The following PBX3 variants were observed in gnomAD, a reference collection of about 807,000 sequenced individuals.
PBX3 encodes PBX homeobox 3.
Under a neutral mutation model 48.5 loss-of-function variants are expected in PBX3, and 14 were observed. The ratio of observed to expected loss-of-function variants is 0.29; its 90% CI spans 0.19 to 0.45. PBX3 has a LOEUF of 0.45. Ranked by LOEUF, PBX3 falls within the 20% of genes least tolerant of loss-of-function variation. PBX3 has a pLI of 1.00. For synonymous variants in PBX3, 210 were observed against 200.3 expected (o/e 1.05, Z -0.41); for missense variants, 386 against 546.7 (o/e 0.71, Z 2.93).
chr9:125,920,685 G>A (rs1018057082), intron 3 of PBX3, among the ~76,000 whole-genome samples: 5 of 152,238 alleles, frequency 3.3e-5, no homozygotes, highest in Non-Finnish European at 7.3e-5. Context: ...GAAGGCAAAA[G>A]TGTTGTAAGG....
At chr9:125,827,208 T>A (rs1042014258) in intron 2 of PBX3, among the ~76,000 whole-genome samples, 7 of 152,208 alleles carry the variant, frequency 4.6e-5, no homozygotes, top group Non-Finnish European at 7.4e-5. Context: ...GTGGTAATTC[T>A]GAAGTAAAGA....
rs189856821 is a variant in PBX3 at position 125,959,524 on chromosome 9, G to A, written c.844-1160G>A. ...TCCAGAAGGATGAGTGCCATAGGTT[G>A]AAGAATGGGAATTCTATTTCCAAAC... On this transcript the variant is annotated intron_variant, in intron 5 of 8. Coordinates refer to ENST00000373489, the MANE Select transcript of PBX3 (RefSeq NM_006195.6). Among the ~76,000 whole-genome samples, 19 of 152,346 alleles carry A rather than the reference G, an allele frequency of 1.2e-4. 1 individual carries two copies. The highest frequency in any genetic ancestry group is 7.3e-5 in the Non-Finnish European group (5 of 68,032).
At chr9:125,788,909 C>T (rs1165771862) in intron 2 of PBX3, among the ~76,000 whole-genome samples, 2 of 151,848 alleles carry the variant, frequency 1.3e-5, no homozygotes, top group East Asian at 3.8e-4. Flanking sequence ...GTGTAGCCTT[C>T]CCTAATCCCA....
intron 3 of PBX3, among the ~76,000 whole-genome samples, chr9:125,920,220 G>A (rs1033200459): frequency 6.6e-6 from 1 of 152,096 alleles, no homozygotes; most frequent in Non-Finnish European, 1.5e-5. Flanking sequence ...ACATTGCCTC[G>A]CTTTTTAGCT....
chr9:125,925,123 T>C (rs1841543885), intron 3 of PBX3, among the ~76,000 whole-genome samples: 1 of 152,240 alleles, frequency 6.6e-6, no homozygotes, highest in African/African-American at 2.4e-5. Context: ...GATGAATAAT[T>C]GATATTGCTT....
chr9:125,758,300 T>A (rs1206674837), intron 2 of PBX3, among the ~76,000 whole-genome samples: 1 of 152,118 alleles, frequency 6.6e-6, no homozygotes, highest in Non-Finnish European at 1.5e-5. Flanking sequence ...CAGTTTCCTT[T>A]TTTTTTTGAC....
Position 125,806,364 on chromosome 9 carries a change from C to T in PBX3, c.274+57741C>T, listed in dbSNP as rs144602627. On this transcript the variant is annotated intron_variant, in intron 2 of 8. Coordinates refer to ENST00000373489, the MANE Select transcript of PBX3 (RefSeq NM_006195.6). ...GCTACTGTAAAAAAATATCTGAGAC[C>T]GGGTAATTTATAAAGAGTAAATTTC... 1.4e-3 allele frequency among the ~76,000 whole-genome samples: 216 copies of T among 152,148 alleles called. 2 individuals carry two copies. Among genetic ancestry groups the T allele is most frequent in the African/African-American group, 4.7e-3 (194 of 41,504 alleles).
At chr9:125,834,676 G>A (rs779312506) in intron 2 of PBX3, among the ~76,000 whole-genome samples, 1 of 151,302 alleles carries the variant, frequency 6.6e-6, no homozygotes, top group Non-Finnish European at 1.5e-5. Context: ...GGGATTACAG[G>A]CATGAGCCAC....
intron 3 of PBX3, among the ~76,000 whole-genome samples, chr9:125,928,779 T>C (rs978178044): frequency 2.0e-5 from 3 of 152,146 alleles, no homozygotes; most frequent in Non-Finnish European, 4.4e-5. Context: ...GATTGTTAAC[T>C]AAAAAGTTTG....
At chr9:125,748,088 G>A (rs1836252504) in intron 1 of PBX3, 1 of 282,126 alleles carries the variant, frequency 3.5e-6, no homozygotes, top group East Asian at 1.7e-4. Flanking sequence ...GGGGCGATGG[G>A]CGGTTCCCTG....
intron 2 of PBX3, among the ~76,000 whole-genome samples, chr9:125,804,489 A>T (rs543527062): frequency 7.9e-5 from 12 of 152,238 alleles, no homozygotes; most frequent in Admixed American, 3.9e-4. Context: ...ACATGAAGGG[A>T]TTATAAGGAG....
intron 2 of PBX3, among the ~76,000 whole-genome samples, chr9:125,798,414 C>CA (rs1837844970): frequency 2.0e-5 from 3 of 152,076 alleles, no homozygotes; most frequent in Admixed American, 6.5e-5. Flanking sequence ...TTGCATCTCC[C>CA]ACCCACCAGC....
In PBX3 at chr9:125,747,417, C is replaced by T. The variant is rs1836216153; in HGVS notation, c.-37C>T. On this transcript the variant is annotated 5_prime_UTR_variant, in exon 1 of 9. Transcript: ENST00000373489. ...GCCGCCGCCGCCGCCTCAGCCTTCG[C>T]CTCAGCCGCCGCCCGCTCCCGCCCG... 1 of 1,388,442 alleles carries T rather than the reference C, an allele frequency of 7.2e-7. No homozygotes were observed. The highest frequency in any genetic ancestry group is 9.4e-7 in the Non-Finnish European group (1 of 1,061,766). The allele number at this position is 1,388,442 out of a possible 1,614,324, so 86.0% of individuals were successfully genotyped here. A position where few individuals can be genotyped will look rare whatever the true frequency, so the allele number is the denominator to read the frequency against.
chr9:125,789,517 C>G (rs941260034), intron 2 of PBX3, among the ~76,000 whole-genome samples: 1 of 152,146 alleles, frequency 6.6e-6, no homozygotes, highest in African/African-American at 2.4e-5. Context: ...TTTAGGGCAG[C>G]TTACAGCATG....
intron 2 of PBX3, among the ~76,000 whole-genome samples, chr9:125,772,279 A>C (rs985067255): frequency 5.3e-5 from 8 of 152,196 alleles, no homozygotes; most frequent in African/African-American, 1.9e-4. Flanking sequence ...GATGATTGAC[A>C]GGTATTGCTT....
chr9:125,869,254 A>G (rs1021672097), intron 2 of PBX3, among the ~76,000 whole-genome samples: 2 of 152,226 alleles, frequency 1.3e-5, no homozygotes, highest in African/African-American at 2.4e-5. Context: ...AGATAGAAAT[A>G]TGAAAAAGAT....
intron 3 of PBX3, among the ~76,000 whole-genome samples, chr9:125,927,951 C>T (rs2132506648): frequency 6.6e-6 from 1 of 152,156 alleles, no homozygotes; most frequent in Admixed American, 6.5e-5. Context: ...GAGGCTGAGG[C>T]AGGTGGATTG....
At chr9:125,870,397 G>A (rs1840092358) in intron 2 of PBX3, among the ~76,000 whole-genome samples, 2 of 152,116 alleles carry the variant, frequency 1.3e-5, no homozygotes, top group Admixed American at 1.3e-4. Flanking sequence ...GGTGGCAGAC[G>A]AGAGAATTTG....
intron 2 of PBX3, among the ~76,000 whole-genome samples, chr9:125,777,656 G>A (rs375185665): frequency 6.6e-6 from 1 of 151,878 alleles, no homozygotes; most frequent in African/African-American, 2.4e-5. Flanking sequence ...GAGCCACCAC[G>A]CCCAGCCTAA....
Sources: gnomAD v4.1 joint callset for allele counts (sites outside exome capture counted in the v4.1 genomes callset) on GRCh38, gnomAD v4.1.1 for gene constraint, MANE v1.5 for transcripts, NCBI Gene and HGNC (gene_info 2026-07-23, HGNC 2026-07-21) for gene names.